The following LATS1 variants were observed in gnomAD, a reference collection of about 807,000 sequenced individuals.
The protein encoded by LATS1 is serine/threonine-protein kinase LATS1.
In LATS1, 25 loss-of-function variants were observed where a neutral mutation model predicts 106.6. The ratio of observed to expected loss-of-function variants is 0.23; its 90% CI spans 0.17 to 0.33. LATS1 has a LOEUF of 0.33. Ranked by LOEUF, LATS1 falls within the 10% of genes least tolerant of loss-of-function variation. The pLI is 1.00. For missense variants in LATS1, 1,040 were observed against 1,382.6 expected (o/e 0.75, Z 3.93); for synonymous variants, 465 against 455.6 (o/e 1.02, Z -0.26).
At chr6:149,662,720 G>T (rs984272348) in intron 7 of LATS1, among the ~76,000 whole-genome samples, 1 of 152,084 alleles carries the variant, frequency 6.6e-6, no homozygotes, top group African/African-American at 2.4e-5. Context: ...CCAGCACCCT[G>T]GGAGGCGGAG....
Position 149,683,588 on chromosome 6 carries a change from T to A in LATS1, c.1501A>T (p.Met501Leu), listed in dbSNP as rs1411635436. Residue 501 changes from methionine to leucine, a missense_variant, in exon 4 of 8, where the codon ATG becomes TTG. Around this residue, in one of 7 missense-constraint regions of LATS1, gnomAD observed 624 missense variants for 714.8 expected, o/e 0.87. Transcript: ENST00000543571. Reference protein sequence around the residue: ...PAPIQQPVKSMRVLKPELQTA... With the variant: ...PAPIQQPVKSLRVLKPELQTA... ...TGTAGCTCTGGTTTTAATACACGCATACTTTTCACAGGCTGTTGAATAGGA... is the reference window on the plus strand; with the variant it reads ...TGTAGCTCTGGTTTTAATACACGCAAACTTTTCACAGGCTGTTGAATAGGA... 6.2e-7 allele frequency: 1 copy of A among 1,614,242 alleles called. No individual in the cohort carries two copies. The highest frequency in any genetic ancestry group is 8.5e-7 in the Non-Finnish European group (1 of 1,180,040).
At chr6:149,686,983 A>C (rs961700334) in intron 3 of LATS1, among the ~76,000 whole-genome samples, 1 of 152,174 alleles carries the variant, frequency 6.6e-6, no homozygotes, top group Admixed American at 6.5e-5. Context: ...TAACTACTTT[A>C]AGGTTTATAC....
At chr6:149,681,109 GAAC>G (rs763780832) in intron 4 of LATS1, among the ~76,000 whole-genome samples, 2 of 152,074 alleles carry the variant, frequency 1.3e-5, no homozygotes, top group Non-Finnish European at 2.9e-5. Flanking sequence ...ACTTCGAAAA[GAAC>G]AACCTGGTTG....
intron 7 of LATS1, among the ~76,000 whole-genome samples, chr6:149,663,842 C>T (rs1171449232): frequency 6.7e-6 from 1 of 149,502 alleles, no homozygotes; most frequent in Non-Finnish European, 1.5e-5. Context: ...CAGTCTTGCT[C>T]TGTCGCCCAG....
chr6:149,672,354 G>A (rs999687588), intron 7 of LATS1, among the ~76,000 whole-genome samples: 2 of 151,192 alleles, frequency 1.3e-5, no homozygotes, highest in African/African-American at 2.4e-5. Flanking sequence ...GAGTTTATAG[G>A]TGCCTGCCAT....
intron 1 of LATS1, among the ~76,000 whole-genome samples, chr6:149,712,959 C>T (rs1784187322): frequency 6.6e-6 from 1 of 152,110 alleles, no homozygotes. Context: ...TGTGCCACTA[C>T]ACTCCAGCCC....
At chr6:149,688,536 C>CTGACGT (rs1380509433) in intron 3 of LATS1, among the ~76,000 whole-genome samples, 1 of 151,664 alleles carries the variant, frequency 6.6e-6, no homozygotes, top group East Asian at 2.0e-4. Context: ...TCTTGAATTC[C>CTGACGT]TGACGTCGTG....
At chr6:149,681,734 G>T (rs929246160) in intron 4 of LATS1, among the ~76,000 whole-genome samples, 9 of 152,094 alleles carry the variant, frequency 5.9e-5, no homozygotes, top group Admixed American at 5.2e-4. Context: ...AGTATATAAA[G>T]GTGTTTAATC....
At chr6:149,689,359 G>A (rs1027046647) in intron 3 of LATS1, among the ~76,000 whole-genome samples, 4 of 150,348 alleles carry the variant, frequency 2.7e-5, no homozygotes, top group Admixed American at 6.7e-5. Flanking sequence ...GGAGGAGTAC[G>A]CTCTGATTAA....
intron 1 of LATS1, among the ~76,000 whole-genome samples, chr6:149,708,457 A>G (rs1325718811): frequency 6.6e-6 from 1 of 152,004 alleles, no homozygotes; most frequent in African/African-American, 2.4e-5. Context: ...GATAATCTAA[A>G]TCTTCTGATC....
intron 7 of LATS1, among the ~76,000 whole-genome samples, chr6:149,666,760 G>A (rs1339281064): frequency 6.6e-6 from 1 of 151,814 alleles, no homozygotes; most frequent in African/African-American, 2.4e-5. Flanking sequence ...GGCTAACACG[G>A]TGAAACCCCA....
chr6:149,664,309 G>A (rs564958542), intron 7 of LATS1, among the ~76,000 whole-genome samples: 4 of 150,160 alleles, frequency 2.7e-5, no homozygotes, highest in Admixed American at 6.8e-5. Context: ...CAAAGGAATA[G>A]CACATGTATA....
At chr6:149,701,717 C>A in intron 2 of LATS1, 62 bp downstream of exon 2, 1 of 1,277,140 alleles carries the variant, frequency 7.8e-7, no homozygotes, top group Admixed American at 2.2e-5. Flanking sequence ...TGTTATCACC[C>A]AAAAAGTGTT....
chr6:149,705,584 CAG>C (rs140872506), intron 1 of LATS1, among the ~76,000 whole-genome samples: 13 of 148,078 alleles, frequency 8.8e-5, no homozygotes, highest in East Asian at 2.0e-4. Context: ...ATCATTCTGA[CAG>C]AGAGAGAGAG....
At chr6:149,714,568 G>C (rs1784283834) in intron 1 of LATS1, among the ~76,000 whole-genome samples, 1 of 152,056 alleles carries the variant, frequency 6.6e-6, no homozygotes, top group African/African-American at 2.4e-5. Context: ...GTTATCTTCA[G>C]AAGAAGCTGT....
At chr6:149,707,543 G>A (rs879405701) in intron 1 of LATS1, among the ~76,000 whole-genome samples, 23 of 152,132 alleles carry the variant, frequency 1.5e-4, no homozygotes, top group African/African-American at 4.3e-4. Context: ...ATTAGAAAAC[G>A]CTGGACCAGA....
At chr6:149,687,088 G>T (rs1782419603) in intron 3 of LATS1, among the ~76,000 whole-genome samples, 1 of 136,464 alleles carries the variant, frequency 7.3e-6, no homozygotes, top group East Asian at 2.8e-4. Flanking sequence ...AGATCTCCAA[G>T]ATTTTTATTT....
rs770163317 is a variant in LATS1 at position 149,683,551 on chromosome 6, G to A, written c.1538C>T (p.Ala513Val). 6.2e-7 allele frequency: 1 copy of A among 1,614,256 alleles called. No homozygotes were observed. The highest frequency in any genetic ancestry group is 8.5e-7 in the Non-Finnish European group (1 of 1,180,048). The change falls in exon 4 of 8, where the codon GCA becomes GTA. Residue 513 changes from alanine to valine, a missense_variant. By Grantham distance (64) the Ala-to-Val change is moderately conservative. Coordinates refer to ENST00000543571, the MANE Select transcript of LATS1 (RefSeq NM_004690.4). ...TGGTATCCAAGAAGGGTGTGTAGGT[G>A]CTAAAGCAGTCTGTAGCTCTGGTTT... Reference protein sequence around the residue: ...VLKPELQTALAPTHPSWIPQP... With the variant: ...VLKPELQTALVPTHPSWIPQP...
At chr6:149,671,838 C>T (rs1781457584) in intron 7 of LATS1, among the ~76,000 whole-genome samples, 1 of 151,958 alleles carries the variant, frequency 6.6e-6, no homozygotes, top group Non-Finnish European at 1.5e-5. Context: ...ACTACATTAA[C>T]TCTTCCAATC....
Sources: gnomAD v4.1 joint callset for allele counts (sites outside exome capture counted in the v4.1 genomes callset) on GRCh38, gnomAD v4.1.1 for gene constraint, gnomAD v4.1.1 regional missense constraint, MANE v1.5 for transcripts, NCBI Gene and HGNC (gene_info 2026-07-23, HGNC 2026-07-21) for gene names.